The following CCDC146 variants were observed in gnomAD, a reference collection of about 807,000 sequenced individuals.
CCDC146 encodes coiled-coil domain-containing protein 146.
A neutral mutation model predicts 119.3 loss-of-function variants in CCDC146; 92 were observed. That is an observed-to-expected ratio of 0.77 (90% confidence interval 0.65 to 0.92). The LOEUF is 0.92. Among genes scored for constraint, CCDC146 ranks in the 40% least tolerant of loss-of-function variants. The pLI is 0.00. For synonymous variants in CCDC146, 372 were observed against 371.8 expected, an observed-to-expected ratio of 1.00 and a Z score of -0.01; for missense variants, 1,000 against 1,103.0, an observed-to-expected ratio of 0.91 and a Z score of 1.32.
At chr7:77,218,617 T>C (rs997277568) in intron 2 of CCDC146, among the ~76,000 whole-genome samples, 24 of 147,888 alleles carry the variant, frequency 1.6e-4, no homozygotes, top group African/African-American at 4.2e-4. Context: ...CCAATTCTCT[T>C]TTTTTTTTTT....
chr7:77,246,909 T>A (rs914673657), intron 4 of CCDC146, among the ~76,000 whole-genome samples: 2 of 152,236 alleles, frequency 1.3e-5, no homozygotes, highest in Non-Finnish European at 2.9e-5. Context: ...GCACACAGTA[T>A]GTTCAGTATA....
intron 1 of CCDC146, among the ~76,000 whole-genome samples, chr7:77,161,426 G>T (rs1453092132): frequency 6.6e-6 from 1 of 151,834 alleles, no homozygotes; most frequent in Non-Finnish European, 1.5e-5. Context: ...AGAAAATGTG[G>T]CACATATACA....
intron 9 of CCDC146, among the ~76,000 whole-genome samples, chr7:77,267,459 A>G (rs890600584): frequency 9.2e-5 from 14 of 151,784 alleles, no homozygotes; most frequent in Non-Finnish European, 1.9e-4. Context: ...TTCTTTTGGT[A>G]TATCTTCATA....
chr7:77,221,507 T>C (rs999286990), intron 2 of CCDC146, among the ~76,000 whole-genome samples: 4 of 152,172 alleles, frequency 2.6e-5, no homozygotes, highest in African/African-American at 9.7e-5. Flanking sequence ...CATGTGGATG[T>C]GGAAAGGGAA....
intron 5 of CCDC146, among the ~76,000 whole-genome samples, chr7:77,255,655 A>G (rs1414425172): frequency 6.6e-6 from 1 of 152,190 alleles, no homozygotes; most frequent in Non-Finnish European, 1.5e-5. Context: ...GGCAGGCTAA[A>G]TAGACCCAGC....
chr7:77,259,891 G>A, intron 7 of CCDC146, 118 bp from the exon 8 acceptor site: 1 of 704,954 alleles, frequency 1.4e-6, no homozygotes, highest in Admixed American at 2.7e-5. Context: ...CTGCTGCATG[G>A]TTAGAAAGCA....
intron 6 of CCDC146, chr7:77,257,990 A>G (rs1202963612): frequency 6.6e-6 from 1 of 152,268 alleles, no homozygotes; most frequent in African/African-American, 2.4e-5. Context: ...CCCTAAGACA[A>G]CTACTAATGG....
intron 9 of CCDC146, among the ~76,000 whole-genome samples, chr7:77,271,521 TATATATATA>T (rs1793517263): frequency 5.3e-5 from 1 of 18,738 alleles, no homozygotes; most frequent in Admixed American, 2.5e-4. Context: ...GAGATATATA[TATATATATA>T]TATATATATA....
intron 5 of CCDC146, chr7:77,255,608 G>A (rs1188430322): frequency 6.6e-6 from 1 of 152,216 alleles, no homozygotes; most frequent in Admixed American, 6.5e-5. Flanking sequence ...CTCTCACCCA[G>A]CAGTGGTGGG....
In CCDC146 at chr7:77,196,046, C is replaced by A; in HGVS notation, c.156+28222C>A. ...AGAATTGTAAATCTAATGTATAATTCTCAATATTGCTAATTGCTTGCAAGT... is the reference window on the plus strand; with the variant it reads ...AGAATTGTAAATCTAATGTATAATTATCAATATTGCTAATTGCTTGCAAGT... On this transcript the variant is annotated intron_variant, in intron 2 of 18. Transcript: ENST00000285871. This position sits in a 1 kb window ranked among gnomAD's most constrained non-coding sequence, Gnocchi z 4.2. The A allele has an allele frequency of 2.1e-6, 1 of 465,656 alleles. No homozygotes were observed. Among genetic ancestry groups the A allele is most frequent in the Non-Finnish European group, 3.8e-6 (1 of 264,944 alleles). 28.8% of individuals were successfully genotyped at this position (465,656 alleles called of 1,614,324 possible). A position where few individuals can be genotyped will look rare whatever the true frequency, so the allele number is the denominator to read the frequency against.
chr7:77,276,121 G>A (rs1192260609), intron 11 of CCDC146, among the ~76,000 whole-genome samples: 2 of 147,528 alleles, frequency 1.4e-5, no homozygotes, highest in African/African-American at 5.0e-5. Context: ...CAGGAGAATC[G>A]TTTGAACCTA....
At chr7:77,168,496 A>C (rs1791371979) in intron 2 of CCDC146, among the ~76,000 whole-genome samples, 1 of 152,116 alleles carries the variant, frequency 6.6e-6, no homozygotes, top group Non-Finnish European at 1.5e-5. Context: ...CATTCTAAGA[A>C]ATTTGATAGT....
At chr7:77,157,852 T>C (rs1394262026) in intron 1 of CCDC146, among the ~76,000 whole-genome samples, 1 of 152,162 alleles carries the variant, frequency 6.6e-6, no homozygotes, top group Non-Finnish European at 1.5e-5. Flanking sequence ...ATTTTTTGAT[T>C]AACTTGTCTT....
chr7:77,208,731 G>A (rs1039094922), intron 2 of CCDC146, among the ~76,000 whole-genome samples: 1 of 152,148 alleles, frequency 6.6e-6, no homozygotes, highest in Non-Finnish European at 1.5e-5. Context: ...AAAATGAAGG[G>A]TCTCACTCTG....
At chr7:77,238,188 C>T (rs112844962) in intron 3 of CCDC146, among the ~76,000 whole-genome samples, 1 of 152,130 alleles carries the variant, frequency 6.6e-6, no homozygotes, top group Non-Finnish European at 1.5e-5. Flanking sequence ...CAAGTCCTCA[C>T]CCCCACACCT....
intron 1 of CCDC146, among the ~76,000 whole-genome samples, chr7:77,160,330 A>C (rs1791242223): frequency 6.6e-6 from 1 of 152,112 alleles, no homozygotes; most frequent in Admixed American, 6.6e-5. Flanking sequence ...CTTGATGGGG[A>C]TGGCATTGAA....
intron 1 of CCDC146, among the ~76,000 whole-genome samples, chr7:77,150,730 G>C (rs372778325): frequency 2.6e-5 from 4 of 152,168 alleles, no homozygotes; most frequent in East Asian, 1.9e-4. Context: ...ATGAAAACTT[G>C]TAGTCACATG....
chr7:77,198,139 G>T (rs1791910705), intron 2 of CCDC146: 2 of 985,306 alleles, frequency 2.0e-6, no homozygotes, highest in East Asian at 1.1e-4. Flanking sequence ...GTGAACCTTG[G>T]ATTCGCAGTG....
Position 77,294,763 on chromosome 7 carries a change from C to T in CCDC146, c.2765C>T (p.Pro922Leu). ...ATCCCAGAAGCAGATGCCACTCTTCCTTTGCCAAAACCTTATGGTGCTTTG... is the reference window on the plus strand; with the variant it reads ...ATCCCAGAAGCAGATGCCACTCTTCTTTTGCCAAAACCTTATGGTGCTTTG... ...AYIPEADATLPLPKPYGALAP... is the reference protein window; with the variant it reads ...AYIPEADATLLLPKPYGALAP... The change falls in exon 19 of 19, where the codon CCT (proline) becomes CTT (leucine). Residue 922 changes from proline to leucine, a missense_variant. Pro to Leu is a moderately conservative substitution (Grantham distance 98). Transcript: ENST00000285871. The T allele has an allele frequency of 6.2e-7, 1 of 1,614,156 alleles. No individual in the cohort carries two copies. Among genetic ancestry groups the T allele is most frequent in the South Asian group, 1.1e-5 (1 of 91,082 alleles).
Sources: gnomAD v4.1 joint callset for allele counts (sites outside exome capture counted in the v4.1 genomes callset) on GRCh38, gnomAD v4.1.1 for gene constraint, Gnocchi (gnomAD v3.1) non-coding constraint, MANE v1.5 for transcripts, NCBI Gene and HGNC (gene_info 2026-07-23, HGNC 2026-07-21) for gene names.